Variants in MIA2 observed in about 807,000 individuals in gnomAD.
The protein encoded by MIA2 is melanoma inhibitory activity protein 2.
MIA2 carries 127 observed loss-of-function variants against 167.8 expected under a neutral mutation model. The ratio of observed to expected loss-of-function variants is 0.76; its 90% CI spans 0.66 to 0.88. MIA2 has a LOEUF of 0.88. Among genes scored for constraint, MIA2 ranks in the 40% least tolerant of loss-of-function variants. MIA2 has a pLI of 0.00. For synonymous variants in MIA2, 552 were observed against 541.9 expected, an observed-to-expected ratio of 1.02 and a Z score of -0.26; for missense variants, 1,690 against 1,624.7, an observed-to-expected ratio of 1.04 and a Z score of -0.69.
intron 23 of MIA2, among the ~76,000 whole-genome samples, chr14:39,375,565 C>T (rs141357711): frequency 3.9e-5 from 6 of 152,190 alleles, no homozygotes; most frequent in South Asian, 2.1e-4. Flanking sequence ...GACATCGTGG[C>T]GCATGTCTGT....
intron 9 of MIA2, among the ~76,000 whole-genome samples, chr14:39,287,276 C>T (rs935616085): frequency 6.6e-6 from 1 of 151,758 alleles, no homozygotes; most frequent in African/African-American, 2.4e-5. Flanking sequence ...GGTGTTTGGC[C>T]AAGTTGCCCA....
At chr14:39,262,571 T>C (rs2055175204) in intron 6 of MIA2, among the ~76,000 whole-genome samples, 1 of 152,230 alleles carries the variant, frequency 6.6e-6, no homozygotes, top group Non-Finnish European at 1.5e-5. Context: ...GATAGCTTGA[T>C]GGGGATGGCA....
chr14:39,267,428 A>G (rs748086345), intron 6 of MIA2: 4 of 1,610,778 alleles, frequency 2.5e-6, no homozygotes, highest in African/African-American at 1.3e-5. Context: ...GGCCGGGGTT[A>G]CTGTGGCGAC....
intron 25 of MIA2, among the ~76,000 whole-genome samples, chr14:39,339,754 C>G: frequency 6.6e-6 from 1 of 152,100 alleles, no homozygotes. Flanking sequence ...GCACATGTGG[C>G]TAGTAAATAC....
chr14:39,335,118 A>T (rs2070042958), intron 25 of MIA2, among the ~76,000 whole-genome samples: 1 of 152,172 alleles, frequency 6.6e-6, no homozygotes, highest in African/African-American at 2.4e-5. Flanking sequence ...ACTTCTGTAA[A>T]ACAGAGATGG....
intron 6 of MIA2, among the ~76,000 whole-genome samples, chr14:39,264,794 G>C (rs1025806820): frequency 4.6e-5 from 7 of 152,316 alleles, no homozygotes; most frequent in Admixed American, 4.6e-4. Flanking sequence ...GCTTTGCAAT[G>C]GAGCCCTTCA....
chr14:39,271,953 C>T (rs956303028), intron 6 of MIA2, among the ~76,000 whole-genome samples: 17 of 152,090 alleles, frequency 1.1e-4, no homozygotes, highest in African/African-American at 1.9e-4. Context: ...GCTGGGTCTG[C>T]GGCCTTTTGT....
chr14:39,241,941 C>T (rs2054062648), intron 3 of MIA2, among the ~76,000 whole-genome samples: 1 of 152,116 alleles, frequency 6.6e-6, no homozygotes, highest in Non-Finnish European at 1.5e-5. Context: ...AGGCTCTTTC[C>T]CAGCCTGGGG....
At chr14:39,316,597 T>A (rs2065495282) in intron 21 of MIA2, among the ~76,000 whole-genome samples, 1 of 152,222 alleles carries the variant, frequency 6.6e-6, no homozygotes, top group Admixed American at 6.5e-5. Context: ...TTCTTAGACA[T>A]GTTGGAGTGG....
chr14:39,320,397 T>C (rs2066204236), intron 23 of MIA2, among the ~76,000 whole-genome samples: 1 of 152,206 alleles, frequency 6.6e-6, no homozygotes, highest in African/African-American at 2.4e-5. Flanking sequence ...GACTTTTTAC[T>C]GGTAATGAAT....
intron 25 of MIA2, among the ~76,000 whole-genome samples, chr14:39,343,802 T>C (rs2072586381): frequency 6.6e-6 from 1 of 152,158 alleles, no homozygotes; most frequent in South Asian, 2.1e-4. Context: ...TGTATGTGTA[T>C]ATGTGCATAT....
At chr14:39,374,953 T>C (rs2075018490) in intron 23 of MIA2, among the ~76,000 whole-genome samples, 1 of 152,254 alleles carries the variant, frequency 6.6e-6, no homozygotes, top group Admixed American at 6.5e-5. Flanking sequence ...AACTGGCTCA[T>C]GATGATGTGC....
intron 23 of MIA2, among the ~76,000 whole-genome samples, chr14:39,377,663 CA>C (rs1282122168): frequency 6.6e-6 from 1 of 152,026 alleles, no homozygotes; most frequent in Non-Finnish European, 1.5e-5. Context: ...ATAGAAGGAC[CA>C]ACTTACTTGT....
intron 6 of MIA2, among the ~76,000 whole-genome samples, chr14:39,275,835 C>G (rs542868987): frequency 6.6e-6 from 1 of 152,172 alleles, no homozygotes; most frequent in South Asian, 2.1e-4. Context: ...AAGCAGAGAT[C>G]AGGGTAAAGG....
intron 6 of MIA2, among the ~76,000 whole-genome samples, chr14:39,257,038 G>A (rs1566606534): frequency 6.6e-6 from 1 of 152,150 alleles, no homozygotes; most frequent in Non-Finnish European, 1.5e-5. Context: ...TAAGTGTTAT[G>A]TGGTACTGAG....
chr14:39,299,459 C>T (rs370990294), intron 13 of MIA2, among the ~76,000 whole-genome samples: 3 of 151,848 alleles, frequency 2.0e-5, no homozygotes, highest in East Asian at 3.9e-4. Flanking sequence ...AGGCGCGTGC[C>T]ACCATGCCAA....
intron 23 of MIA2, among the ~76,000 whole-genome samples, chr14:39,377,560 CATT>C (rs1372218042): frequency 6.6e-6 from 1 of 152,038 alleles, no homozygotes; most frequent in Non-Finnish European, 1.5e-5. Context: ...AAAATGAAAA[CATT>C]AGGCAAGGCT....
At chr14:39,261,038 A>C (rs1163523596) in intron 6 of MIA2, among the ~76,000 whole-genome samples, 3 of 151,938 alleles carry the variant, frequency 2.0e-5, no homozygotes, top group Non-Finnish European at 4.4e-5. Flanking sequence ...TGTGCACAAC[A>C]TGCAGGTTTG....
chr14:39,329,892 T>G (rs1475177647), intron 25 of MIA2, among the ~76,000 whole-genome samples: 1 of 152,232 alleles, frequency 6.6e-6, no homozygotes, highest in African/African-American at 2.4e-5. Context: ...TGAGGATTTT[T>G]GCATCAATGT....
Sources: allele counts gnomAD v4.1 joint callset (sites outside exome capture counted in the v4.1 genomes callset), GRCh38; gene constraint gnomAD v4.1.1; transcripts MANE v1.5; gene names NCBI Gene and HGNC (gene_info 2026-07-23, HGNC 2026-07-21).